WWTR1: variants seen among roughly 807,000 people sequenced by gnomAD.
WWTR1 encodes the protein WW domain containing transcription regulator 1.
WWTR1 carries 13 observed loss-of-function variants against 40.1 expected under a neutral mutation model. The ratio of observed to expected loss-of-function variants is 0.32; its 90% CI spans 0.21 to 0.52. The LOEUF is 0.52. WWTR1 is among the 20% of genes least tolerant of loss of function. WWTR1 has a pLI of 0.97. For missense variants in WWTR1, 436 were observed against 523.1 expected, an observed-to-expected ratio of 0.83 and a Z score of 1.63; for synonymous variants, 230 against 210.1, an observed-to-expected ratio of 1.09 and a Z score of -0.82.
chr3:149,623,919 A>G (rs2108092123), intron 2 of WWTR1, among the ~76,000 whole-genome samples: 1 of 152,246 alleles, frequency 6.6e-6, no homozygotes. Flanking sequence ...TCTTGCATAT[A>G]TGCTTAGCTC....
intron 3 of WWTR1, among the ~76,000 whole-genome samples, chr3:149,564,926 T>A (rs565927268): frequency 6.6e-6 from 1 of 152,334 alleles, no homozygotes; most frequent in African/African-American, 2.4e-5. Context: ...CTCAAGCCTG[T>A]AATCCCAGCA....
intron 4 of WWTR1, among the ~76,000 whole-genome samples, chr3:149,720,253 GCT>G (rs1466794946): frequency 1.3e-5 from 2 of 152,134 alleles, no homozygotes; most frequent in East Asian, 3.9e-4. Flanking sequence ...TAGTTTTAGG[GCT>G]TACATTTAGG....
At chr3:149,694,733 A>G (rs1381001399) in intron 1 of WWTR1, among the ~76,000 whole-genome samples, 1 of 152,248 alleles carries the variant, frequency 6.6e-6, no homozygotes, top group Admixed American at 6.5e-5. Flanking sequence ...AAATTAATAC[A>G]GCAATTATGC....
intron 4 of WWTR1, among the ~76,000 whole-genome samples, chr3:149,531,383 C>A (rs536234188): frequency 6.6e-6 from 1 of 152,198 alleles, no homozygotes; most frequent in Non-Finnish European, 1.5e-5. Flanking sequence ...ACGTGACCCC[C>A]TGCTCTAAAG....
chr3:149,589,820 A>AT (rs1738613541), intron 2 of WWTR1, among the ~76,000 whole-genome samples: 1 of 151,798 alleles, frequency 6.6e-6, no homozygotes, highest in African/African-American at 2.4e-5. Flanking sequence ...ATGAATGAAC[A>AT]TATTTAATGG....
intron 1 of WWTR1, among the ~76,000 whole-genome samples, chr3:149,696,793 C>T (rs1483429894): frequency 1.3e-5 from 2 of 152,100 alleles, no homozygotes; most frequent in Non-Finnish European, 2.9e-5. Flanking sequence ...CACATCACTC[C>T]CCTACTAAAT....
chr3:149,693,405 G>A lies in WWTR1; in HGVS notation c.-108+9719C>T, dbSNP rs116838834. 2.4e-3 allele frequency among the ~76,000 whole-genome samples: 363 copies of A among 152,022 alleles called. 1 individual carries two copies. The highest frequency in any genetic ancestry group is 4.2e-3 in the Non-Finnish European group (288 of 67,966). On this transcript the variant is annotated intron_variant, in intron 1 of 7. Coordinates refer to the WWTR1 transcript ENST00000465804. The stretch of plus-strand genomic sequence containing the variant: ...AGTATTGTTAATATGCCTACACTAC[G>A]CAAAGCAATCTACAGATTTAATGAA...
intron 3 of WWTR1, among the ~76,000 whole-genome samples, chr3:149,569,218 A>T (rs1322052018): frequency 6.6e-6 from 1 of 152,230 alleles, no homozygotes; most frequent in Non-Finnish European, 1.5e-5. Flanking sequence ...AACCAGCCCA[A>T]AATAAATCAT....
At position 149,517,235 on chromosome 3, in the gene WWTR1, T is replaced by A. The variant is rs769346396; in HGVS notation, c.*3570A>T. 1.2e-4 allele frequency: 19 copies of A among 152,194 alleles called. No individual in the cohort carries two copies. The highest frequency in any genetic ancestry group is 3.4e-3 in the Middle Eastern group (1 of 294). 9.4% of individuals were successfully genotyped at this position (152,194 alleles called of 1,614,324 possible). On this transcript the variant is annotated 3_prime_UTR_variant, in exon 7 of 7. Transcript: ENST00000360632. Reference sequence around the variant, plus strand: ...ATAATGAAAAGTCAAAAGCTCCAAGTGGAAGTTCAATTGTCTTTATTTTTC... The same window carrying A: ...ATAATGAAAAGTCAAAAGCTCCAAGAGGAAGTTCAATTGTCTTTATTTTTC...
chr3:149,529,256 AT>A (rs1456442472), intron 4 of WWTR1, among the ~76,000 whole-genome samples: 5 of 152,208 alleles, frequency 3.3e-5, no homozygotes, highest in African/African-American at 1.2e-4. Context: ...GGACTTCTAA[AT>A]TACAGTATCT....
exon 3 of WWTR1, chr3:149,724,760 G>A (rs575233761): frequency 1.8e-4 from 28 of 152,038 alleles, no homozygotes; most frequent in Non-Finnish European, 3.5e-4. Flanking sequence ...GACTGGGAGA[G>A]CATCCAGTTC....
chr3:149,683,898 G>GGA (rs1200379010), intron 1 of WWTR1, among the ~76,000 whole-genome samples: 1 of 151,928 alleles, frequency 6.6e-6, no homozygotes, highest in Non-Finnish European at 1.5e-5. Flanking sequence ...TGGCACTGTG[G>GGA]GAGCAAGAGC....
chr3:149,521,083 T>A (rs1236339986), intron 6 of WWTR1, 94 bp from the exon 7 acceptor site: 1 of 1,347,098 alleles, frequency 7.4e-7, no homozygotes, highest in Non-Finnish European at 1.0e-6. Flanking sequence ...CACCTTCATG[T>A]CTTCAACTAC....
intron 2 of WWTR1, among the ~76,000 whole-genome samples, chr3:149,589,650 T>G (rs960846510): frequency 3.3e-5 from 5 of 151,762 alleles, no homozygotes; most frequent in Non-Finnish European, 7.4e-5. Context: ...CCATGAGTTT[T>G]TTTTTTTTTT....
intron 3 of WWTR1, among the ~76,000 whole-genome samples, chr3:149,552,505 T>C (rs1421543447): frequency 1.3e-5 from 2 of 152,214 alleles, no homozygotes; most frequent in South Asian, 2.1e-4. Context: ...TCATCTTCTC[T>C]AGAGGATGCA....
intron 2 of WWTR1, among the ~76,000 whole-genome samples, chr3:149,609,159 T>C (rs564716181): frequency 1.3e-4 from 20 of 152,184 alleles, no homozygotes; most frequent in Non-Finnish European, 2.5e-4. Flanking sequence ...ATGTACCAGA[T>C]GGGCAGCCAA....
intron 1 of WWTR1, among the ~76,000 whole-genome samples, chr3:149,673,464 T>G (rs902465752): frequency 6.6e-6 from 1 of 152,168 alleles, no homozygotes; most frequent in Admixed American, 6.5e-5. Flanking sequence ...TTACCCCCAA[T>G]TTTAGAGGGA....
chr3:149,539,703 A>G (rs998678168), intron 4 of WWTR1, among the ~76,000 whole-genome samples: 1 of 152,210 alleles, frequency 6.6e-6, no homozygotes, highest in Non-Finnish European at 1.5e-5. Context: ...GCAACTAAAC[A>G]AGTGAGCCAA....
chr3:149,627,943 C>T (rs932636888), intron 2 of WWTR1, among the ~76,000 whole-genome samples: 10 of 152,012 alleles, frequency 6.6e-5, no homozygotes, highest in Admixed American at 2.0e-4. Context: ...CATGGTAGCA[C>T]ATGTCTGTAA....
Sources: allele counts gnomAD v4.1 joint callset (sites outside exome capture counted in the v4.1 genomes callset), GRCh38; gene constraint gnomAD v4.1.1; transcripts MANE v1.5; gene names NCBI Gene and HGNC (gene_info 2026-07-23, HGNC 2026-07-21).